DHX9: variants seen among roughly 807,000 people sequenced by gnomAD.
DHX9 encodes DExH-box helicase 9.
A neutral mutation model predicts 148.7 loss-of-function variants in DHX9; 27 were observed. That is an observed-to-expected ratio of 0.18 (90% CI 0.13 to 0.25). The LOEUF is 0.25. DHX9 is among the 10% of genes least tolerant of loss of function. The pLI is 1.00. For synonymous variants in DHX9, 529 were observed against 516.6 expected (o/e 1.02, Z -0.33); for missense variants, 796 against 1,559.6 (o/e 0.51, Z 8.25).
chr1:182,867,442 A>C (rs568490764), intron 14 of DHX9, among the ~76,000 whole-genome samples: 1 of 152,228 alleles, frequency 6.6e-6, no homozygotes, highest in South Asian at 2.1e-4. Flanking sequence ...TTGCTCTGTC[A>C]CCCAGGCTGG....
chr1:182,872,995 C>A (rs1339911641), intron 15 of DHX9, among the ~76,000 whole-genome samples: 8 of 152,100 alleles, frequency 5.3e-5, no homozygotes, highest in Non-Finnish European at 1.0e-4. Context: ...ACTCTGTCAC[C>A]CAGACTGGAG....
intron 2 of DHX9, 107 bp from the exon 3 acceptor site, chr1:182,843,187 C>G: frequency 1.4e-6 from 1 of 729,142 alleles, no homozygotes; most frequent in Non-Finnish European, 2.0e-6. Context: ...GAGTATATTT[C>G]CTAAAGTTAG....
At chr1:182,853,459 T>C (rs1476901713) in intron 5 of DHX9, 41 bp downstream of exon 5, 1 of 1,466,680 alleles carries the variant, frequency 6.8e-7, no homozygotes. Flanking sequence ...AGAATGTGAT[T>C]TGGGACTTAG....
chr1:182,866,730 C>T (rs1648312183), intron 13 of DHX9, 145 bp downstream of exon 13: 1 of 1,086,314 alleles, frequency 9.2e-7, no homozygotes, highest in Admixed American at 2.4e-5. Flanking sequence ...TTTTTTCCTT[C>T]ATGGAAAGTA....
chr1:182,879,627 AAAG>A (rs1234634494), intron 21 of DHX9, among the ~76,000 whole-genome samples: 19 of 152,238 alleles, frequency 1.2e-4, no homozygotes, highest in Non-Finnish European at 2.1e-4. Context: ...AGTCTTTAAA[AAAG>A]AAAAGAAAAC....
intron 16 of DHX9, among the ~76,000 whole-genome samples, chr1:182,875,584 A>C (rs182672673): frequency 6.6e-6 from 1 of 152,268 alleles, no homozygotes; most frequent in Admixed American, 6.5e-5. Flanking sequence ...GACAGCCAGC[A>C]ATGCAGAATT....
chr1:182,880,709 AT>A (rs2102619231), intron 22 of DHX9, 101 bp downstream of exon 22: 1 of 717,646 alleles, frequency 1.4e-6, no homozygotes, highest in South Asian at 1.9e-5. Flanking sequence ...CAAAAAAAAA[AT>A]CCTAAATGTT....
chr1:182,858,923 A>T, intron 10 of DHX9, 29 bp downstream of exon 10: 1 of 1,612,736 alleles, frequency 6.2e-7, no homozygotes, highest in Non-Finnish European at 8.5e-7. Context: ...TTGAGATCAG[A>T]GTCTTGTGTT....
chr1:182,865,371 A>G (rs1230211851), intron 12 of DHX9, among the ~76,000 whole-genome samples: 3 of 152,220 alleles, frequency 2.0e-5, no homozygotes, highest in Non-Finnish European at 2.9e-5. Flanking sequence ...GTGCGTGTAT[A>G]TATAATGTGT....
At chr1:182,856,930 A>G (rs1054524369) in intron 7 of DHX9, among the ~76,000 whole-genome samples, 10 of 151,230 alleles carry the variant, frequency 6.6e-5, no homozygotes, top group African/African-American at 2.2e-4. Context: ...GCTCACTGCA[A>G]GCTCCGCCTC....
chr1:182,877,122 T>C (rs1229491055), intron 19 of DHX9: 1 of 459,452 alleles, frequency 2.2e-6, no homozygotes, highest in Non-Finnish European at 3.9e-6. Context: ...AGCTTGAAAC[T>C]GTAACTGATG....
At chr1:182,872,203 T>G in intron 14 of DHX9, 134 bp from the exon 15 acceptor site, 1 of 695,122 alleles carries the variant, frequency 1.4e-6, no homozygotes, top group East Asian at 2.6e-5. Context: ...TTGTGGTCCT[T>G]TATCTTGGCA....
At chr1:182,882,371 G>A (rs1460472166) in intron 24 of DHX9, among the ~76,000 whole-genome samples, 2 of 152,220 alleles carry the variant, frequency 1.3e-5, no homozygotes, top group Non-Finnish European at 2.9e-5. Flanking sequence ...GCGGTTGACT[G>A]TCATGCTTTC....
At chr1:182,881,957 T>G (rs1215250032) in intron 24 of DHX9, among the ~76,000 whole-genome samples, 1 of 152,218 alleles carries the variant, frequency 6.6e-6, no homozygotes, top group South Asian at 2.1e-4. Context: ...ACATCTAACA[T>G]AGAAAAAAAC....
chr1:182,886,235 G>T (rs1248805111), intron 27 of DHX9, among the ~76,000 whole-genome samples: 1 of 150,878 alleles, frequency 6.6e-6, no homozygotes, highest in Non-Finnish European at 1.5e-5. Context: ...TTGCCCTGTT[G>T]TCCAGGCTGG....
chr1:182,859,995 C>T lies in DHX9; in HGVS notation c.1143C>T (p.Ile381=), dbSNP rs1557970472. 2 of 1,607,470 alleles carry T rather than the reference C, an allele frequency of 1.2e-6. No homozygotes were observed. Among genetic ancestry groups the T allele is most frequent in the Non-Finnish European group, 1.7e-6 (2 of 1,177,026 alleles). ...GAAGTGTGACTTTTCTAATGCAGATCTTGCAGGAGAGAGAGTTACTGCCTG... is the reference window on the plus strand; with the variant it reads ...GAAGTGTGACTTTTCTAATGCAGATTTTGCAGGAGAGAGAGTTACTGCCTG... The part of the protein sequence containing the change: ...QLEQDHDLQA[I]LQERELLPVK... Residue 381 remains isoleucine (I), a splice_region_variant and synonymous_variant, in exon 12 of 28, where the codon ATC becomes ATT. Transcript: ENST00000367549.
At chr1:182,863,170 G>C (rs1648064909) in intron 12 of DHX9, among the ~76,000 whole-genome samples, 1 of 152,056 alleles carries the variant, frequency 6.6e-6, no homozygotes, top group Non-Finnish European at 1.5e-5. Flanking sequence ...GTCGGTTATT[G>C]TTTTATTTTT....
At chr1:182,845,477 C>CA (rs1668012430) in intron 3 of DHX9, among the ~76,000 whole-genome samples, 1 of 150,670 alleles carries the variant, frequency 6.6e-6, no homozygotes, top group Non-Finnish European at 1.5e-5. Flanking sequence ...CAACAATCAA[C>CA]AAAGAAGATT....
intron 3 of DHX9, among the ~76,000 whole-genome samples, chr1:182,845,575 A>G (rs1668014007): frequency 6.6e-6 from 1 of 152,164 alleles, no homozygotes; most frequent in Admixed American, 6.5e-5. Flanking sequence ...CTAGCAGGGT[A>G]TCCTCCAGTT....
Sources: gnomAD v4.1 joint callset for allele counts (sites outside exome capture counted in the v4.1 genomes callset) on GRCh38, gnomAD v4.1.1 for gene constraint, MANE v1.5 for transcripts, NCBI Gene and HGNC (gene_info 2026-07-23, HGNC 2026-07-21) for gene names.